The following BMPR1A variants were observed in gnomAD, a reference collection of about 807,000 sequenced individuals.
BMPR1A encodes the protein bone morphogenetic protein receptor type-1A.
Under a neutral mutation model 66.0 loss-of-function variants are expected in BMPR1A, and 7 were observed. That is an observed-to-expected ratio of 0.11 (90% confidence interval 0.06 to 0.20). The LOEUF is 0.20. BMPR1A is among the 10% of genes least tolerant of loss of function. The pLI is 1.00. For synonymous variants in BMPR1A, 200 were observed against 229.7 expected (o/e 0.87, Z 1.17); for missense variants, 408 against 669.1 (o/e 0.61, Z 4.31).
intron 2 of BMPR1A, among the ~76,000 whole-genome samples, chr10:86,857,623 A>T (rs1397796073): frequency 6.6e-6 from 1 of 151,812 alleles, no homozygotes; most frequent in Non-Finnish European, 1.5e-5. Flanking sequence ...ACTCGGGGAG[A>T]ATACACTTCC....
At chr10:86,758,885 T>A (rs1376480988) in intron 1 of BMPR1A, among the ~76,000 whole-genome samples, 1 of 152,248 alleles carries the variant, frequency 6.6e-6, no homozygotes, top group Non-Finnish European at 1.5e-5. Flanking sequence ...CATTTTCAGA[T>A]GCCTCTCCTT....
At chr10:86,903,468 T>C (rs74153423) in intron 7 of BMPR1A, among the ~76,000 whole-genome samples, 17,929 of 151,538 alleles carry the variant, frequency 0.12, 1,284 homozygotes, top group African/African-American at 0.19. Context: ...TAGGAATGAA[T>C]AGAGAATAGT....
rs761569881 is a variant in BMPR1A at position 86,919,410 on chromosome 10, C to T, written c.1107C>T (p.Leu369=). The T allele has an allele frequency of 1.9e-6, 3 of 1,613,268 alleles. No homozygotes were observed. Among genetic ancestry groups the T allele is most frequent in the Non-Finnish European group, 1.7e-6 (2 of 1,179,848 alleles). Residue 369 remains leucine (L), a synonymous_variant, in exon 10 of 13, where the codon CTC becomes CTT. Transcript: ENST00000372037. ...AHRDLKSKNI[L]IKKNGSCCIA... is the part of the protein sequence containing the mutation. ...GAGACCTAAAGAGCAAAAACATCCT[C>T]ATCAAGAAAAATGGGAGTTGCTGCA...
chr10:86,812,730 A>G (rs865890891), intron 1 of BMPR1A, among the ~76,000 whole-genome samples: 1 of 152,270 alleles, frequency 6.6e-6, no homozygotes, highest in Middle Eastern at 3.4e-3. Flanking sequence ...CCACATGTAC[A>G]TAGCCTGCCC....
At position 86,925,037 on chromosome 10, in the gene BMPR1A, C is replaced by G. The variant is rs1843720489; in HGVS notation, c.*1318C>G. On this transcript the variant is annotated 3_prime_UTR_variant, in exon 13 of 13. Coordinates refer to ENST00000372037, the MANE Select transcript of BMPR1A (RefSeq NM_004329.3). ...TATCAACTGTCAAATATGTTCTGGA[C>G]AGCTAAATCATTTGAGATTTTTGGT... The G allele has an allele frequency of 4.3e-6, 1 of 232,178 alleles. No individual in the cohort carries two copies. Among genetic ancestry groups the G allele is most frequent in the Admixed American group, 5.6e-5 (1 of 17,778 alleles). 14.4% of individuals were successfully genotyped at this position (232,178 alleles called of 1,614,324 possible).
intron 1 of BMPR1A, among the ~76,000 whole-genome samples, chr10:86,761,559 G>C (rs1841058126): frequency 6.6e-6 from 1 of 152,232 alleles, no homozygotes. Flanking sequence ...TTCTGGCCTA[G>C]CCCGGATTAA....
intron 1 of BMPR1A, among the ~76,000 whole-genome samples, chr10:86,774,218 C>A (rs1366409915): frequency 1.3e-5 from 2 of 152,088 alleles, no homozygotes; most frequent in Non-Finnish European, 2.9e-5. Context: ...AATAACATAA[C>A]TTTTTTGGAT....
At chr10:86,910,249 G>C (rs1015950565) in intron 7 of BMPR1A, among the ~76,000 whole-genome samples, 4 of 152,048 alleles carry the variant, frequency 2.6e-5, no homozygotes, top group Non-Finnish European at 4.4e-5. Flanking sequence ...AGGCAGGGAG[G>C]ATTGCTTAAA....
intron 1 of BMPR1A, among the ~76,000 whole-genome samples, chr10:86,809,346 G>T (rs1298628514): frequency 2.0e-5 from 3 of 151,708 alleles, no homozygotes; most frequent in African/African-American, 7.3e-5. Context: ...CTGGAGTGCA[G>T]TGGCACAATC....
At chr10:86,834,367 C>T (rs1842312847) in intron 1 of BMPR1A, among the ~76,000 whole-genome samples, 1 of 152,172 alleles carries the variant, frequency 6.6e-6, no homozygotes, top group African/African-American at 2.4e-5. Context: ...CAATACTTCA[C>T]AACAGCAAAT....
chr10:86,790,607 C>T (rs1841601351), intron 1 of BMPR1A, among the ~76,000 whole-genome samples: 3 of 151,710 alleles, frequency 2.0e-5, no homozygotes, highest in South Asian at 4.2e-4. Context: ...TATTACTCAC[C>T]CATGAAAAGA....
Position 86,923,905 on chromosome 10 carries a change from C to T in BMPR1A, c.*186C>T. On this transcript the variant is annotated 3_prime_UTR_variant, in exon 13 of 13. Coordinates refer to ENST00000372037, the MANE Select transcript of BMPR1A (RefSeq NM_004329.3). ...AGGATACAAGCTGGGAACTTCTAAA[C>T]ACTTCATTCTTTATATATGGACAGC... 1 of 662,624 alleles carries T rather than the reference C, an allele frequency of 1.5e-6. No individual in the cohort carries two copies. Among genetic ancestry groups the T allele is most frequent in the East Asian group, 2.8e-5 (1 of 35,622 alleles). The allele number at this position is 662,624 out of a possible 1,614,324, so 41.0% of individuals were successfully genotyped here. A position where few individuals can be genotyped will look rare whatever the true frequency, so the allele number is the denominator to read the frequency against.
At chr10:86,865,194 A>G (rs1256322978) in intron 2 of BMPR1A, among the ~76,000 whole-genome samples, 1 of 152,126 alleles carries the variant, frequency 6.6e-6, no homozygotes, top group African/African-American at 2.4e-5. Context: ...ACCACAAAAG[A>G]AGTGTAAATG....
chr10:86,865,105 T>C (rs975725870), intron 2 of BMPR1A, among the ~76,000 whole-genome samples: 1 of 152,224 alleles, frequency 6.6e-6, no homozygotes, highest in Non-Finnish European at 1.5e-5. Context: ...CTTGCACATA[T>C]ACGCCCAGAT....
At chr10:86,928,638 A>G (rs757630079), downstream of BMPR1A, 5 of 151,962 alleles carry the variant, frequency 3.3e-5, no homozygotes, top group Admixed American at 6.6e-5. Flanking sequence ...CATTATCACT[A>G]TATACATTTG....
Position 86,927,628 on chromosome 10 carries a change from T to G in BMPR1A, c.*3909T>G, listed in dbSNP as rs928890025. On this transcript the variant is annotated 3_prime_UTR_variant, in exon 13 of 13. Coordinates refer to ENST00000372037, the MANE Select transcript of BMPR1A (RefSeq NM_004329.3). ...TTGTAATTTTAGCTTATGCTCTGTA[T>G]TCTGTTTTCTATGGAATTATTTAAG... The G allele has an allele frequency of 1.5e-5, 3 of 198,184 alleles. No homozygotes were observed. Among genetic ancestry groups the G allele is most frequent in the African/African-American group, 6.9e-5 (3 of 43,366 alleles). 12.3% of individuals were successfully genotyped at this position (198,184 alleles called of 1,614,324 possible).
chr10:86,864,260 C>T (rs949366196), intron 2 of BMPR1A, among the ~76,000 whole-genome samples: 19 of 152,054 alleles, frequency 1.2e-4, no homozygotes, highest in Admixed American at 5.9e-4. Flanking sequence ...CAAATGGGAC[C>T]GAAGAGCTCC....
intron 5 of BMPR1A, among the ~76,000 whole-genome samples, chr10:86,893,731 T>C (rs1338110749): frequency 6.6e-6 from 1 of 150,724 alleles, no homozygotes; most frequent in Non-Finnish European, 1.5e-5. Flanking sequence ...GAGCTTGCAG[T>C]GAGCTGAGAT....
chr10:86,796,762 A>G (rs1428716483), intron 1 of BMPR1A, among the ~76,000 whole-genome samples: 3 of 151,558 alleles, frequency 2.0e-5, no homozygotes, highest in Non-Finnish European at 2.9e-5. Flanking sequence ...TTGTAGAGAC[A>G]GGGTTTTGCC....
Sources: allele counts gnomAD v4.1 joint callset (sites outside exome capture counted in the v4.1 genomes callset), GRCh38; gene constraint gnomAD v4.1.1; transcripts MANE v1.5; gene names NCBI Gene and HGNC (gene_info 2026-07-23, HGNC 2026-07-21).